The following STIL variants were observed in gnomAD, a reference collection of about 807,000 sequenced individuals.
STIL encodes SCL-interrupting locus protein.
In STIL, 55 loss-of-function variants were observed where a neutral mutation model predicts 110.1. The observed-to-expected ratio is 0.50, with a 90% CI of 0.40 to 0.63. STIL has a LOEUF of 0.63. Ranked by LOEUF, STIL falls within the 20% of genes least tolerant of loss-of-function variation. The pLI is 0.00. For missense variants in STIL, 1,358 were observed against 1,530.0 expected (o/e 0.89, Z 1.87); for synonymous variants, 481 against 530.0 (o/e 0.91, Z 1.27).
chr1:47,274,665 T>C (rs935068462), intron 12 of STIL, among the ~76,000 whole-genome samples: 1 of 150,928 alleles, frequency 6.6e-6, no homozygotes, highest in Non-Finnish European at 1.5e-5. Flanking sequence ...CAGTGTTATT[T>C]TTTAAAGTTC....
intron 8 of STIL, among the ~76,000 whole-genome samples, chr1:47,291,603 T>C (rs1291965130): frequency 6.6e-6 from 1 of 152,108 alleles, no homozygotes; most frequent in Non-Finnish European, 1.5e-5. Flanking sequence ...TTATTTTTTG[T>C]TGCCCAGGCT....
Position 47,280,674 on chromosome 1 carries a change from G to A in STIL, c.1784C>T (p.Pro595Leu). 1 of 1,614,228 alleles carries A rather than the reference G, an allele frequency of 6.2e-7. No homozygotes were observed. The highest frequency in any genetic ancestry group is 8.5e-7 in the Non-Finnish European group (1 of 1,180,052). The change falls in exon 12 of 17, where the codon CCA becomes CTA. Residue 595 changes from proline to leucine, a missense_variant. Transcript: ENST00000371877. ...MELQIPTPPLPSYCSTNVCRC... is the reference protein window; with the variant it reads ...MELQIPTPPLLSYCSTNVCRC... Reference sequence around the variant, plus strand: ...GCAAACGTTTGTGGAACAGTAAGATGGCAGTGGGGGAGTAGGTATCTGAAG... The same window carrying A: ...GCAAACGTTTGTGGAACAGTAAGATAGCAGTGGGGGAGTAGGTATCTGAAG...
intron 12 of STIL, among the ~76,000 whole-genome samples, chr1:47,275,197 A>G: frequency 6.6e-6 from 1 of 152,084 alleles, no homozygotes; most frequent in East Asian, 1.9e-4. Flanking sequence ...TCGTAAAAAG[A>G]TATGTATTTA....
rs916414910 is a variant in STIL, at chr1:47,259,751, T to C, written c.3080+538A>G. Among the ~76,000 whole-genome samples, 12 of 152,348 alleles carry C rather than the reference T, an allele frequency of 7.9e-5. No individual in the cohort carries two copies. In the South Asian group the frequency reaches 1.4e-3, roughly 18 times the overall value. ...TTAACAGAAAATATGCCAGCCTTAA[T>C]AATATAATCTCCAGACTTTATTTTC... On this transcript the variant is annotated intron_variant, in intron 16 of 16. Transcript: ENST00000371877.
intron 9 of STIL, among the ~76,000 whole-genome samples, chr1:47,288,447 G>A (rs1478166721): frequency 6.6e-6 from 1 of 151,820 alleles, no homozygotes; most frequent in Non-Finnish European, 1.5e-5. Context: ...CAGGCACCTG[G>A]CACTATGCCT....
chr1:47,301,389 G>A (rs544801828), intron 5 of STIL, among the ~76,000 whole-genome samples, 172 bp downstream of exon 5: 1 of 152,090 alleles, frequency 6.6e-6, no homozygotes, highest in East Asian at 1.9e-4. Context: ...TACTCATATC[G>A]CTTACCTAGA....
At chr1:47,265,783 CA>C (rs1179019596) in intron 14 of STIL, among the ~76,000 whole-genome samples, 15,525 of 65,256 alleles carry the variant, frequency 0.24, 549 homozygotes, top group Middle Eastern at 0.26. Context: ...AAGACTGTCT[CA>C]AAAAAAAAAA....
chr1:47,278,796 T>C (rs1645062834), intron 12 of STIL, among the ~76,000 whole-genome samples: 1 of 151,696 alleles, frequency 6.6e-6, no homozygotes, highest in Non-Finnish European at 1.5e-5. Flanking sequence ...GAAGACCTTT[T>C]CTCTAAAAAA....
intron 13 of STIL, among the ~76,000 whole-genome samples, chr1:47,270,839 T>C (rs1644815058): frequency 6.6e-6 from 1 of 151,806 alleles, no homozygotes; most frequent in Admixed American, 6.6e-5. Context: ...CCACCATATG[T>C]GGCTAATTTT....
intron 16 of STIL, among the ~76,000 whole-genome samples, chr1:47,252,601 G>A (rs971073964): frequency 6.6e-5 from 10 of 152,004 alleles, no homozygotes; most frequent in African/African-American, 2.2e-4. Context: ...CAGCACAAGA[G>A]ATCAGCTAAT....
chr1:47,281,300 T>A, intron 11 of STIL, 91 bp from the exon 12 acceptor site: 1 of 1,248,100 alleles, frequency 8.0e-7, no homozygotes, highest in Non-Finnish European at 1.1e-6. Flanking sequence ...CCAAATTATA[T>A]CTAATTACAT....
At chr1:47,265,860 C>A (rs1158095423) in intron 14 of STIL, among the ~76,000 whole-genome samples, 1 of 151,424 alleles carries the variant, frequency 6.6e-6, no homozygotes. Context: ...GATCACAGCT[C>A]ACTGCAGACT....
At chr1:47,304,845 CTT>C (rs770547694) in intron 3 of STIL, 42 bp downstream of exon 3, 2 of 1,388,520 alleles carry the variant, frequency 1.4e-6, no homozygotes, top group Admixed American at 1.7e-5. Flanking sequence ...TTGTATTACT[CTT>C]GTTTATACTG....
At chr1:47,306,081 A>G (rs912073263) in intron 2 of STIL, among the ~76,000 whole-genome samples, 1 of 152,146 alleles carries the variant, frequency 6.6e-6, no homozygotes, top group South Asian at 2.1e-4. Flanking sequence ...TACTACCAGG[A>G]GAATAGGCAC....
chr1:47,265,195 C>T (rs1383720400), intron 14 of STIL, among the ~76,000 whole-genome samples: 2 of 132,490 alleles, frequency 1.5e-5, no homozygotes, highest in Non-Finnish European at 3.1e-5. Flanking sequence ...AAGATCACAC[C>T]ACTGCACTCC....
intron 3 of STIL, among the ~76,000 whole-genome samples, chr1:47,302,789 A>G (rs1645844299): frequency 6.6e-6 from 1 of 152,178 alleles, no homozygotes; most frequent in Admixed American, 6.5e-5. Context: ...CTTCCTATAC[A>G]TACGTATCTA....
chr1:47,277,559 C>A (rs1438127140), intron 12 of STIL, among the ~76,000 whole-genome samples: 1 of 152,052 alleles, frequency 6.6e-6, no homozygotes, highest in African/African-American at 2.4e-5. Flanking sequence ...GTAAGGGTGT[C>A]ATCAGTGGTT....
intron 5 of STIL, among the ~76,000 whole-genome samples, chr1:47,300,570 C>T (rs1004787580): frequency 6.6e-6 from 1 of 151,834 alleles, no homozygotes; most frequent in African/African-American, 2.4e-5. Flanking sequence ...CCGGTTCAAG[C>T]GATTCTCCTG....
intron 13 of STIL, among the ~76,000 whole-genome samples, chr1:47,271,317 C>T (rs2758744): frequency 0.78 from 118,215 of 151,950 alleles, 46,651 homozygotes; most frequent in Middle Eastern, 0.87. Context: ...GCCTGTAATA[C>T]AATCCCAGCC....
Sources: gnomAD v4.1 joint callset for allele counts (sites outside exome capture counted in the v4.1 genomes callset) on GRCh38, gnomAD v4.1.1 for gene constraint, MANE v1.5 for transcripts, NCBI Gene and HGNC (gene_info 2026-07-23, HGNC 2026-07-21) for gene names.